TENM3: variants seen among roughly 807,000 people sequenced by gnomAD.
TENM3 encodes the protein teneurin-3.
Under a neutral mutation model 255.1 loss-of-function variants are expected in TENM3, and 63 were observed. The ratio of observed to expected loss-of-function variants is 0.25; its 90% CI spans 0.20 to 0.30. TENM3 has a LOEUF of 0.30. Ranked by LOEUF, TENM3 falls within the 10% of genes least tolerant of loss-of-function variation. The probability of loss-of-function intolerance (pLI) is 1.00; values close to 1 mark genes in which losing one functional copy is unlikely to be tolerated. For missense variants in TENM3, 2,929 were observed against 3,461.1 expected (o/e 0.85, Z 3.86); for synonymous variants, 1,306 against 1,322.3 (o/e 0.99, Z 0.27).
the TENM3 span, among the ~76,000 whole-genome samples, chr4:181,595,710 G>T: frequency 6.6e-6 from 1 of 151,982 alleles, no homozygotes; most frequent in African/African-American, 2.4e-5. Context: ...CTTGTTCTCT[G>T]CTCTTTTCTC....
chr4:182,498,511 T>A (rs1159198118), intron 3 of TENM3, among the ~76,000 whole-genome samples: 1 of 152,064 alleles, frequency 6.6e-6, no homozygotes, highest in African/African-American at 2.4e-5. Context: ...TTTCTTCCAT[T>A]AGCTTTTTCA....
the TENM3 span, among the ~76,000 whole-genome samples, chr4:181,796,081 C>T: frequency 6.6e-6 from 1 of 152,166 alleles, no homozygotes; most frequent in Admixed American, 6.5e-5. Flanking sequence ...TCAGAAATGT[C>T]ACAAATGTTT....
chr4:182,566,274 T>C (rs1176877315), intron 3 of TENM3, among the ~76,000 whole-genome samples: 1 of 152,232 alleles, frequency 6.6e-6, no homozygotes, highest in African/African-American at 2.4e-5. Context: ...TATTTCCTCT[T>C]GTTTGTGACG....
At chr4:182,535,974 A>C (rs1403977128) in intron 3 of TENM3, among the ~76,000 whole-genome samples, 1 of 152,042 alleles carries the variant, frequency 6.6e-6, no homozygotes, top group Admixed American at 6.6e-5. Flanking sequence ...TTTTATATTT[A>C]GATTATCTAT....
the TENM3 span, among the ~76,000 whole-genome samples, chr4:182,125,618 G>C: frequency 5.9e-5 from 9 of 152,178 alleles, no homozygotes; most frequent in Non-Finnish European, 1.0e-4. Context: ...AAGGAGATGA[G>C]AGTAGAACAT....
the TENM3 span, among the ~76,000 whole-genome samples, chr4:181,603,901 T>A: frequency 3.3e-5 from 5 of 152,220 alleles, no homozygotes; most frequent in African/African-American, 1.2e-4. Flanking sequence ...GAGCTTTGAG[T>A]TGCCTGGACC....
At chr4:181,548,003 C>T in the TENM3 span, among the ~76,000 whole-genome samples, 1 of 151,716 alleles carries the variant, frequency 6.6e-6, no homozygotes, top group Non-Finnish European at 1.5e-5. Context: ...TGTTCCCCTT[C>T]CTGTGTCTAT....
At chr4:182,731,805 G>A (rs1268655306) in intron 16 of TENM3, among the ~76,000 whole-genome samples, 25 of 140,076 alleles carry the variant, frequency 1.8e-4, no homozygotes, top group South Asian at 2.4e-4. Context: ...TTTTTGAGAC[G>A]GAGTCTCGCT....
intron 3 of TENM3, among the ~76,000 whole-genome samples, chr4:182,432,849 G>GGTGTGTGTGTGTGTGTGT (rs70956512): frequency 0.077 from 11,074 of 143,066 alleles, 623 homozygotes; most frequent in Middle Eastern, 0.17. Flanking sequence ...AATGGATTTG[G>GGTGTGTGTGTGTGTGTGT]GTGTGTGTGT....
Position 182,582,719 on chromosome 4 carries a change from T to C in TENM3, c.512-18205T>C, listed in dbSNP as rs543675237. ...ATTAAAGGAATTGTTTTAGACTCGA[T>C]ATGGACGTGTTAGAATGCTTTAAAA... On this transcript the variant is annotated intron_variant, in intron 3 of 27. Coordinates refer to ENST00000511685, the MANE Select transcript of TENM3 (RefSeq NM_001080477.4). 3.3e-5 allele frequency among the ~76,000 whole-genome samples: 5 copies of C among 152,278 alleles called. No individual in the cohort carries two copies. The East Asian group carries it at 9.6e-4, about 29-fold the overall frequency.
At chr4:181,654,063 C>T in the TENM3 span, among the ~76,000 whole-genome samples, 1 of 151,916 alleles carries the variant, frequency 6.6e-6, no homozygotes, top group Non-Finnish European at 1.5e-5. Context: ...CTTACATCCT[C>T]ACTGCCACCC....
At chr4:182,763,434 G>A (rs866433633) in intron 22 of TENM3, among the ~76,000 whole-genome samples, 5 of 151,986 alleles carry the variant, frequency 3.3e-5, no homozygotes, top group African/African-American at 9.7e-5. Flanking sequence ...GCGTGGTGGC[G>A]GGCATCTGTA....
intron 3 of TENM3, among the ~76,000 whole-genome samples, chr4:182,494,038 A>G (rs897937149): frequency 6.6e-6 from 1 of 152,140 alleles, no homozygotes; most frequent in Non-Finnish European, 1.5e-5. Flanking sequence ...TGTTTTTATA[A>G]CTAGTTGTAT....
intron 11 of TENM3, 30 bp from the exon 12 acceptor site, chr4:182,688,136 C>G (rs374832453): frequency 6.1e-5 from 94 of 1,552,206 alleles, no homozygotes; most frequent in Non-Finnish European, 7.7e-5. Context: ...ACTCTTCTCT[C>G]CTGTTTTGTG....
the TENM3 span, among the ~76,000 whole-genome samples, chr4:182,035,721 C>G: frequency 6.6e-6 from 1 of 152,178 alleles, no homozygotes; most frequent in Non-Finnish European, 1.5e-5. Flanking sequence ...AGCTTTCCGT[C>G]CTTTTTCAAT....
At chr4:182,535,370 A>ACTCTT (rs1740199522) in intron 3 of TENM3, among the ~76,000 whole-genome samples, 1 of 152,182 alleles carries the variant, frequency 6.6e-6, no homozygotes, top group South Asian at 2.1e-4. Context: ...TTCTTCTCAT[A>ACTCTT]GACTCTGAGG....
At chr4:181,952,467 T>C in the TENM3 span, among the ~76,000 whole-genome samples, 29 of 152,190 alleles carry the variant, frequency 1.9e-4, no homozygotes, top group Admixed American at 5.2e-4. Flanking sequence ...GCAATCAAAT[T>C]ATGTTCTCAT....
At chr4:182,029,833 C>T in the TENM3 span, among the ~76,000 whole-genome samples, 11 of 151,978 alleles carry the variant, frequency 7.2e-5, no homozygotes, top group African/African-American at 2.7e-4. Context: ...ACTAACAAAA[C>T]TTCAGATATA....
chr4:182,242,070 GGT>G (rs1757310827), upstream of TENM3, among the ~76,000 whole-genome samples: 1 of 60,504 alleles, frequency 1.7e-5, no homozygotes, highest in African/African-American at 2.0e-4. Context: ...ATGTGCACAA[GGT>G]GCAGGTTTGT....
Sources: gnomAD v4.1 joint callset for allele counts (sites outside exome capture counted in the v4.1 genomes callset) on GRCh38, gnomAD v4.1.1 for gene constraint, MANE v1.5 for transcripts, NCBI Gene and HGNC (gene_info 2026-07-23, HGNC 2026-07-21) for gene names.